Variants in C10orf90 observed in about 807,000 individuals in gnomAD.
C10orf90 encodes the protein (E2-independent) E3 ubiquitin-conjugating enzyme FATS.
A neutral mutation model predicts 62.5 loss-of-function variants in C10orf90; 56 were observed. The ratio of observed to expected loss-of-function variants is 0.90; its 90% CI spans 0.72 to 1.12. C10orf90 has a LOEUF of 1.12. Ranked by LOEUF, C10orf90 falls within the 50% of genes most tolerant of loss-of-function variation. C10orf90 has a pLI of 0.00. For missense variants in C10orf90, 970 were observed against 880.4 expected (o/e 1.10, Z -1.29); for synonymous variants, 386 against 340.4 (o/e 1.13, Z -1.47).
Position 126,464,987 on chromosome 10 carries a change from C to T in C10orf90, c.1535-1G>A. ...CTTCCAGAAAATACTTTTGTGTGTA[C>T]TAAAAATAAAACGAGAGTTGTGCTC... On this transcript the variant is annotated splice_acceptor_variant, in intron 4 of 9. Coordinates refer to ENST00000488181, the MANE Select transcript of C10orf90 (RefSeq NM_001350921.2). LOFTEE classifies it high-confidence loss of function. The T allele has an allele frequency of 6.3e-7, 1 of 1,591,726 alleles. No homozygotes were observed. Among genetic ancestry groups the T allele is most frequent in the Non-Finnish European group, 8.6e-7 (1 of 1,162,166 alleles).
rs1846727110 is a variant in C10orf90, at chr10:126,670,429, G to A, written c.52C>T (p.Arg18Cys). ...TKTHPQGYAA[R>C]YTETAVHRTF... Reference sequence around the variant, plus strand: ...CGATGCACGGCCGTTTCTGTGTAGCGGGCAGCATACCCCTGCGGATGAGTT... The same window carrying A: ...CGATGCACGGCCGTTTCTGTGTAGCAGGCAGCATACCCCTGCGGATGAGTT... The change falls in exon 1 of 10, where the codon CGC becomes TGC. Residue 18 changes from arginine to cysteine, a missense_variant. Arg to Cys is a radical substitution (Grantham distance 180). Transcript: ENST00000488181. 6 of 456,492 alleles carry A rather than the reference G, an allele frequency of 1.3e-5. No individual in the cohort carries two copies. Among genetic ancestry groups the A allele is most frequent in the Middle Eastern group, 3.2e-4 (1 of 3,098 alleles). The allele number at this position is 456,492 out of a possible 1,614,324, so 28.3% of individuals were successfully genotyped here. A position where few individuals can be genotyped will look rare whatever the true frequency, so the allele number is the denominator to read the frequency against.
chr10:126,489,219 C>T (rs1236574761), intron 4 of C10orf90, among the ~76,000 whole-genome samples: 4 of 151,840 alleles, frequency 2.6e-5, no homozygotes, highest in African/African-American at 7.3e-5. Context: ...GTTAATGTAA[C>T]ATATGAAAAA....
intron 2 of C10orf90, among the ~76,000 whole-genome samples, chr10:126,585,676 T>C (rs1250183922): frequency 1.3e-5 from 2 of 151,958 alleles, no homozygotes; most frequent in East Asian, 3.9e-4. Flanking sequence ...GAGTAAAGAA[T>C]AGAGAGCATT....
At chr10:126,561,233 A>G (rs1864893555) in intron 2 of C10orf90, among the ~76,000 whole-genome samples, 1 of 152,246 alleles carries the variant, frequency 6.6e-6, no homozygotes, top group Non-Finnish European at 1.5e-5. Flanking sequence ...AATATAATTC[A>G]TAACCTGCCG....
At chr10:126,643,012 C>G (rs551278120) in intron 2 of C10orf90, among the ~76,000 whole-genome samples, 1 of 152,288 alleles carries the variant, frequency 6.6e-6, no homozygotes, top group Non-Finnish European at 1.5e-5. Flanking sequence ...AAGTTCTAGC[C>G]ACCATAGCCA....
At chr10:126,480,335 T>C (rs1861104064) in intron 4 of C10orf90, among the ~76,000 whole-genome samples, 1 of 152,242 alleles carries the variant, frequency 6.6e-6, no homozygotes, top group Admixed American at 6.5e-5. Flanking sequence ...TCTGTTCTGC[T>C]TTGTCTCATG....
In C10orf90 at chr10:126,562,584, G is replaced by C. The variant is rs192112171; in HGVS notation, c.314-48645C>G. ...TTGTCCCACCTGTCAAACGGGCACA[G>C]AGCAATCTGCAGACGCTCAATGAGC... On this transcript the variant is annotated intron_variant, in intron 2 of 9. Transcript: ENST00000488181. Among the ~76,000 whole-genome samples, 253 of 152,318 alleles carry C rather than the reference G, an allele frequency of 1.7e-3. 2 individuals are homozygous for C. Among genetic ancestry groups the C allele is most frequent in the African/African-American group, 5.9e-3 (246 of 41,568 alleles).
intron 2 of C10orf90, among the ~76,000 whole-genome samples, chr10:126,588,270 C>T (rs1844912946): frequency 6.6e-6 from 1 of 152,240 alleles, no homozygotes; most frequent in South Asian, 2.1e-4. Flanking sequence ...GTCTTTCCAG[C>T]TTGCTGGCAG....
intron 7 of C10orf90, among the ~76,000 whole-genome samples, chr10:126,457,073 G>C (rs1170338115): frequency 6.6e-6 from 1 of 152,166 alleles, no homozygotes; most frequent in Non-Finnish European, 1.5e-5. Context: ...CTGCAGCCAT[G>C]ACCTAGCGAA....
At chr10:126,517,633 CA>C (rs1863509676) in intron 2 of C10orf90, among the ~76,000 whole-genome samples, 1 of 152,144 alleles carries the variant, frequency 6.6e-6, no homozygotes, top group South Asian at 2.1e-4. Context: ...AGGTTGGGGC[CA>C]GGGGCAGTGG....
intron 2 of C10orf90, among the ~76,000 whole-genome samples, chr10:126,548,574 C>T (rs1864556719): frequency 1.3e-5 from 2 of 152,110 alleles, no homozygotes; most frequent in Admixed American, 6.5e-5. Context: ...ACCATGTTGG[C>T]CAGGATGGTC....
chr10:126,466,589 G>A (rs1333579608), intron 4 of C10orf90, among the ~76,000 whole-genome samples: 1 of 152,110 alleles, frequency 6.6e-6, no homozygotes, highest in Non-Finnish European at 1.5e-5. Context: ...AGAGGGAAGA[G>A]CAAAAAGTCT....
intron 2 of C10orf90, among the ~76,000 whole-genome samples, chr10:126,519,403 C>G (rs187926340): frequency 1.8e-4 from 28 of 152,328 alleles, no homozygotes; most frequent in Non-Finnish European, 3.8e-4. Flanking sequence ...TGTATTGCCT[C>G]ATGAATCGAT....
At chr10:126,616,676 G>A (rs797010931) in intron 2 of C10orf90, among the ~76,000 whole-genome samples, 7 of 152,274 alleles carry the variant, frequency 4.6e-5, no homozygotes, top group African/African-American at 1.7e-4. Flanking sequence ...GGCTATTTGA[G>A]CTTCATCTTT....
intron 1 of C10orf90, among the ~76,000 whole-genome samples, chr10:126,661,053 T>G (rs753991101): frequency 1.2e-4 from 18 of 152,222 alleles, no homozygotes; most frequent in Non-Finnish European, 2.6e-4. Flanking sequence ...CTTCAAATCT[T>G]TTTTCTTCTC....
chr10:126,561,997 AT>A (rs572167399), intron 2 of C10orf90, among the ~76,000 whole-genome samples: 108 of 152,296 alleles, frequency 7.1e-4, no homozygotes, highest in Middle Eastern at 3.4e-3. Context: ...TGAAGCGTTC[AT>A]TTTGGCTTCA....
intron 1 of C10orf90, among the ~76,000 whole-genome samples, chr10:126,655,417 T>C (rs1846374210): frequency 1.3e-5 from 2 of 152,164 alleles, no homozygotes; most frequent in African/African-American, 2.4e-5. Context: ...ATTTCTAAAA[T>C]GTGACACAGA....
chr10:126,664,225 G>A (rs1225365152), intron 1 of C10orf90, among the ~76,000 whole-genome samples: 1 of 152,138 alleles, frequency 6.6e-6, no homozygotes, highest in African/African-American at 2.4e-5. Flanking sequence ...CTCTGAGTGT[G>A]GGGAAGCAGG....
intron 1 of C10orf90, among the ~76,000 whole-genome samples, chr10:126,649,010 ATATCTCTCTCTCTCTCTGTCTCTGTC>A (rs1204369910): frequency 1.4e-5 from 2 of 139,208 alleles, no homozygotes; most frequent in Non-Finnish European, 3.1e-5. Flanking sequence ...ATCACAGATG[ATATCTCTCTCTCTCTCTGTCTCTGTC>A]TCTCTCTCTC....
Sources: allele counts gnomAD v4.1 joint callset (sites outside exome capture counted in the v4.1 genomes callset), GRCh38; gene constraint gnomAD v4.1.1; transcripts MANE v1.5; gene names NCBI Gene and HGNC (gene_info 2026-07-23, HGNC 2026-07-21).